LPA: variants seen among roughly 807,000 people sequenced by gnomAD.
The protein encoded by LPA is lipoprotein(a).
A neutral mutation model predicts 197.9 loss-of-function variants in LPA; 199 were observed. The observed-to-expected ratio is 1.01, with a 90% CI of 0.90 to 1.13. The LOEUF (loss-of-function observed/expected upper bound fraction) is 1.13. Ranked by LOEUF, LPA falls within the 50% of genes most tolerant of loss-of-function variation. The probability of loss-of-function intolerance (pLI) is 0.00; values close to 1 mark genes in which losing one functional copy is unlikely to be tolerated. For missense variants in LPA, 1,853 were observed against 1,785.8 expected (o/e 1.04, Z -0.68); for synonymous variants, 715 against 639.5 (o/e 1.12, Z -1.78).
At chr6:160,533,064 AAT>A (rs1374551649) in intron 37 of LPA, among the ~76,000 whole-genome samples, 1 of 152,180 alleles carries the variant, frequency 6.6e-6, no homozygotes, top group East Asian at 1.9e-4. Context: ...TTTTTCAATC[AAT>A]GTTATATCAT....
chr6:160,558,899 G>C (rs1208517257), intron 28 of LPA, among the ~76,000 whole-genome samples: 2 of 152,090 alleles, frequency 1.3e-5, no homozygotes, highest in African/African-American at 4.8e-5. Context: ...GGAAAGTTTA[G>C]AGACTCTATG....
chr6:160,615,473 T>A (rs1204273188), intron 14 of LPA, among the ~76,000 whole-genome samples: 1 of 118,272 alleles, frequency 8.5e-6, no homozygotes, highest in African/African-American at 3.8e-5. Context: ...ATACAGTAAT[T>A]TTTTTCAATT....
In LPA at chr6:160,565,461, C is replaced by T. The variant is rs559822360; in HGVS notation, c.4632-7890G>A. Among the ~76,000 whole-genome samples the T allele has an allele frequency of 7.6e-3, 1,150 of 152,290 alleles. 13 individuals are homozygous for T. Among genetic ancestry groups the T allele is most frequent in the Middle Eastern group, 0.051 (15 of 294 alleles). On this transcript the variant is annotated intron_variant, in intron 28 of 38. Coordinates refer to ENST00000316300, the MANE Select transcript of LPA (RefSeq NM_005577.4). ...CTCCAACAGACCTGCAGCTGAGGGT[C>T]CTGACTGTTAGAAGGAAAACTAACA...
rs1472448792 is a variant in LPA at position 160,653,981 on chromosome 6, A to ATTATATATT, written c.50-3485_50-3484insAATATATAA. 3.0e-3 allele frequency among the ~76,000 whole-genome samples: 42 copies of ATTATATATT among 13,992 alleles called. 1 individual carries two copies. The highest frequency in any genetic ancestry group is 0.011 in the African/African-American group (41 of 3,858). 9.2% of individuals were successfully genotyped at this position (13,992 alleles called of 152,430 possible). Reference sequence around the variant, plus strand: ...ATAATATATATTATATATAATATATAATATATAATATATATTATATATAAT... The same window carrying ATTATATATT: ...ATAATATATATTATATATAATATATATTATATATTATATATAATATATATTATATATAAT... On this transcript the variant is annotated intron_variant, in intron 1 of 38. Coordinates refer to ENST00000316300, the MANE Select transcript of LPA (RefSeq NM_005577.4).
Position 160,599,502 on chromosome 6 carries a change from A to G in LPA, c.3285T>C (p.Asn1095=). 1 of 1,613,720 alleles carries G rather than the reference A, an allele frequency of 6.2e-7. No individual in the cohort carries two copies. Among genetic ancestry groups the G allele is most frequent in the South Asian group, 1.1e-5 (1 of 91,050 alleles). ...TATGGTAAAGAACAAAGACGTACGCATTTGGGTAGTTTTCTGGGGTCCGAC... is the reference window on the plus strand; with the variant it reads ...TATGGTAAAGAACAAAGACGTACGCGTTTGGGTAGTTTTCTGGGGTCCGAC... ...QHSRTPENYP[N]AGLTRNYCRN... Residue 1095 remains asparagine (N), a splice_region_variant and synonymous_variant, in exon 20 of 39, where the codon AAT becomes AAC. Transcript: ENST00000316300.
At chr6:160,559,713 T>A (rs1035692707) in intron 28 of LPA, among the ~76,000 whole-genome samples, 3 of 152,216 alleles carry the variant, frequency 2.0e-5, no homozygotes, top group African/African-American at 7.2e-5. Context: ...ACTTTAAGTT[T>A]ATGTGAGTCC....
chr6:160,560,753 GT>G (rs551116251), intron 28 of LPA, among the ~76,000 whole-genome samples: 2 of 152,038 alleles, frequency 1.3e-5, no homozygotes, highest in African/African-American at 4.8e-5. Context: ...TCTGATGAGA[GT>G]TTTTTGCTGT....
At chr6:160,658,336 G>C (rs1345004054) in intron 1 of LPA, among the ~76,000 whole-genome samples, 1 of 152,166 alleles carries the variant, frequency 6.6e-6, no homozygotes, top group Admixed American at 6.5e-5. Context: ...TCTTGTTGCA[G>C]ATCAGCTACT....
At chr6:160,548,695 G>A (rs767574694) in intron 30 of LPA, 36 bp from the exon 31 acceptor site, 22 of 1,609,492 alleles carry the variant, frequency 1.4e-5, no homozygotes, top group Admixed American at 6.7e-5. Flanking sequence ...TACAGGAGGC[G>A]GAAGAATATT....
chr6:160,610,499 T>C (rs1316938270), intron 16 of LPA, among the ~76,000 whole-genome samples: 1 of 152,212 alleles, frequency 6.6e-6, no homozygotes, highest in East Asian at 1.9e-4. Context: ...CTCTATCTTC[T>C]TAATTGAGCT....
rs1264573939 is a variant in LPA, at chr6:160,584,222, TTCTTCTTCTTCTTCTTCCTCC to T, written c.4289+803_4289+823del. 4.1e-4 allele frequency among the ~76,000 whole-genome samples: 46 copies of T among 112,480 alleles called. 1 individual carries two copies. The highest frequency in any genetic ancestry group is 1.7e-3 in the East Asian group (4 of 2,310). The allele number at this position is 112,480 out of a possible 152,430, so 73.8% of individuals were successfully genotyped here. A position where few individuals can be genotyped will look rare whatever the true frequency, so the allele number is the denominator to read the frequency against. On this transcript the variant is annotated intron_variant, in intron 26 of 38. Coordinates refer to ENST00000316300, the MANE Select transcript of LPA (RefSeq NM_005577.4). Reference sequence around the variant, plus strand: ...CTTCTTCTTCTTCTTCTTCTTCTTCTTCTTCTTCTTCTTCTTCCTCCTCCTCCTCCTCCTCCTCTTCCTCTT... The same window carrying T: ...CTTCTTCTTCTTCTTCTTCTTCTTCTTCCTCCTCCTCCTCCTCTTCCTCTT...
chr6:160,538,950 C>G (rs1345490018), intron 36 of LPA, among the ~76,000 whole-genome samples: 5 of 152,166 alleles, frequency 3.3e-5, no homozygotes, highest in Non-Finnish European at 5.9e-5. Flanking sequence ...TGCACATTTG[C>G]TGGGATGGTG....
chr6:160,655,230 G>A (rs1332178598), intron 1 of LPA, among the ~76,000 whole-genome samples: 1 of 152,192 alleles, frequency 6.6e-6, no homozygotes, highest in Non-Finnish European at 1.5e-5. Context: ...CAGACCAATA[G>A]CTGTCTCTCA....
At chr6:160,659,455 C>T (rs753517932) in intron 1 of LPA, among the ~76,000 whole-genome samples, 6 of 152,204 alleles carry the variant, frequency 3.9e-5, no homozygotes, top group Admixed American at 6.5e-5. Context: ...CAACTGAGTT[C>T]GAGGTGCCTG....
rs141731887 is a variant in LPA, at chr6:160,626,450, TTGTGTG to T, written c.1577+1751_1577+1756del. On this transcript the variant is annotated intron_variant, in intron 10 of 38. Coordinates refer to ENST00000316300, the MANE Select transcript of LPA (RefSeq NM_005577.4). Reference sequence around the variant, plus strand: ...GTGTGAGTATGGGTGTGTTTTCAGTTTGTGTGTGTGTGTGTGTGTGTGTGTGTAGCT... The same window carrying T: ...GTGTGAGTATGGGTGTGTTTTCAGTTTGTGTGTGTGTGTGTGTGTGTAGCT... 1.7e-3 allele frequency among the ~76,000 whole-genome samples: 181 copies of T among 107,938 alleles called. 1 individual carries two copies. The highest frequency in any genetic ancestry group is 6.7e-3 in the African/African-American group (154 of 22,822). The allele number at this position is 107,938 out of a possible 152,430, so 70.8% of individuals were successfully genotyped here.
chr6:160,586,755 C>G, intron 24 of LPA, 125 bp from the exon 25 acceptor site: 2 of 1,300,428 alleles, frequency 1.5e-6, no homozygotes, highest in Non-Finnish European at 2.2e-6. Context: ...ACTAAAGTCC[C>G]ATAACACTCA....
rs1554231721 is a variant in LPA, at chr6:160,553,965, G to GCA, written c.4973+2059_4973+2060insTG. Reference sequence around the variant, plus strand: ...TGTGTGTGTGTGTGTGCGCGCGCGCGCGTGTGCGTGTGTGTGTGTCTTACA... The same window carrying GCA: ...TGTGTGTGTGTGTGTGCGCGCGCGCGCACGTGTGCGTGTGTGTGTGTCTTACA... On this transcript the variant is annotated intron_variant, in intron 30 of 38. Coordinates refer to ENST00000316300, the MANE Select transcript of LPA (RefSeq NM_005577.4). 9.3e-3 allele frequency among the ~76,000 whole-genome samples: 1,396 copies of GCA among 150,182 alleles called. 25 individuals carry two copies. The highest frequency in any genetic ancestry group is 0.032 in the African/African-American group (1,294 of 40,836).
intron 2 of LPA, among the ~76,000 whole-genome samples, chr6:160,647,646 A>G (rs752233093): frequency 6.6e-6 from 1 of 152,128 alleles, no homozygotes; most frequent in African/African-American, 2.4e-5. Context: ...TTGCTCTAGG[A>G]TTTGCAATAT....
chr6:160,550,089 C>T (rs1440409495), intron 30 of LPA, among the ~76,000 whole-genome samples: 3 of 152,088 alleles, frequency 2.0e-5, no homozygotes, highest in Non-Finnish European at 4.4e-5. Flanking sequence ...GGCGCAGTGG[C>T]GCACATCTGT....
Sources: allele counts gnomAD v4.1 joint callset (sites outside exome capture counted in the v4.1 genomes callset), GRCh38; gene constraint gnomAD v4.1.1; transcripts MANE v1.5; gene names NCBI Gene and HGNC (gene_info 2026-07-23, HGNC 2026-07-21).